USP31: variants seen among roughly 807,000 people sequenced by gnomAD.
USP31 encodes ubiquitin specific peptidase 31, also known as ubiquitin carboxyl-terminal hydrolase 31.
Under a neutral mutation model 119.4 loss-of-function variants are expected in USP31, and 44 were observed. The observed-to-expected ratio is 0.37, with a 90% CI of 0.29 to 0.47. The LOEUF (loss-of-function observed/expected upper bound fraction) is 0.47, where lower values mean the gene tolerates loss of function less well. Among genes scored for constraint, USP31 ranks in the 20% least tolerant of loss-of-function variants. The probability of loss-of-function intolerance (pLI) is 0.99; values close to 1 mark genes in which losing one functional copy is unlikely to be tolerated. For missense variants in USP31, 1,643 were observed against 1,730.2 expected (o/e 0.95, Z 0.89); for synonymous variants, 749 against 705.6 (o/e 1.06, Z -0.97).
chr16:23,107,188 T>C (rs1327559153), intron 2 of USP31, among the ~76,000 whole-genome samples: 1 of 152,138 alleles, frequency 6.6e-6, no homozygotes, highest in African/African-American at 2.4e-5. Context: ...TGTATGTTGG[T>C]GCCTAATCAC....
chr16:23,134,810 C>T (rs142644621), intron 1 of USP31, among the ~76,000 whole-genome samples: 1 of 151,066 alleles, frequency 6.6e-6, no homozygotes, highest in East Asian at 1.9e-4. Context: ...CTGTAATATA[C>T]AAAAGTACCA....
chr16:23,143,322 T>C (rs1287242666), intron 1 of USP31, among the ~76,000 whole-genome samples: 1 of 152,200 alleles, frequency 6.6e-6, no homozygotes, highest in Non-Finnish European at 1.5e-5. Context: ...CATCCATCTT[T>C]TTACTTGCTG....
At chr16:23,119,347 C>T (rs979465136) in intron 1 of USP31, among the ~76,000 whole-genome samples, 4 of 152,170 alleles carry the variant, frequency 2.6e-5, no homozygotes, top group African/African-American at 7.2e-5. Flanking sequence ...AGCCGCCTGC[C>T]TCAGCCTCCC....
Position 23,149,070 on chromosome 16 carries a change from G to A in USP31, c.201C>T (p.Arg67=). Residue 67 remains arginine (R), a synonymous_variant, in exon 1 of 16, where the codon CGC becomes CGT. Coordinates refer to ENST00000219689, the MANE Select transcript of USP31 (RefSeq NM_020718.4). ...SARSVGSFMS[R]VLKTLSTLSH... ...AGAGCGTGGACAGCGTCTTGAGAACGCGGCTCATGAAGCTGCCCACCGAGC... is the reference window on the plus strand; with the variant it reads ...AGAGCGTGGACAGCGTCTTGAGAACACGGCTCATGAAGCTGCCCACCGAGC... The A allele has an allele frequency of 7.9e-7, 1 of 1,268,004 alleles. No homozygotes were observed. The highest frequency in any genetic ancestry group is 1.0e-6 in the Non-Finnish European group (1 of 982,486). The allele number at this position is 1,268,004 out of a possible 1,614,324, so 78.5% of individuals were successfully genotyped here.
Position 23,065,437 on chromosome 16 carries a change from G to T in USP31, c.*2609C>A, listed in dbSNP as rs1900027263. The T allele has an allele frequency of 6.6e-6, 1 of 152,440 alleles. No homozygotes were observed. The highest frequency in any genetic ancestry group is 2.1e-4 in the South Asian group (1 of 4,828). The allele number at this position is 152,440 out of a possible 1,614,324, so 9.4% of individuals were successfully genotyped here. Reference sequence around the variant, plus strand: ...TCCCACAAGATACTTCCCACCTCAAGGAGCACCTCCAAACTTTCGGGCCAA... The same window carrying T: ...TCCCACAAGATACTTCCCACCTCAATGAGCACCTCCAAACTTTCGGGCCAA... On this transcript the variant is annotated 3_prime_UTR_variant, in exon 16 of 16. Transcript: ENST00000219689.
At chr16:23,137,481 T>G (rs1486086472) in intron 1 of USP31, among the ~76,000 whole-genome samples, 3 of 152,030 alleles carry the variant, frequency 2.0e-5, no homozygotes, top group African/African-American at 4.8e-5. Flanking sequence ...ACAAGAACAT[T>G]TGTAATACTG....
intron 6 of USP31, among the ~76,000 whole-genome samples, chr16:23,094,311 C>T (rs1011872370): frequency 1.3e-5 from 2 of 152,214 alleles, no homozygotes; most frequent in Non-Finnish European, 2.9e-5. Flanking sequence ...TCCACCATTG[C>T]TGAGGCTTGA....
At position 23,148,633 on chromosome 16, in the gene USP31, C is replaced by T; in HGVS notation, c.633+5G>A. ...CAGTGGGGGCGCGGCGGCGCGCGGG[C>T]TCACCTTGAAGTCGCGGCTGTGCTG... On this transcript the variant is annotated splice_donor_5th_base_variant and intron_variant, in intron 1 of 15. Transcript: ENST00000219689. The T allele has an allele frequency of 6.8e-7, 1 of 1,467,076 alleles. No individual in the cohort carries two copies. The allele number at this position is 1,467,076 out of a possible 1,614,324, so 90.9% of individuals were successfully genotyped here.
At chr16:23,087,688 CCCAT>C in intron 8 of USP31, 32 bp downstream of exon 8, 1 of 1,561,520 alleles carries the variant, frequency 6.4e-7, no homozygotes, top group Non-Finnish European at 8.8e-7. Flanking sequence ...TGAGTATATA[CCCAT>C]GCTATGCTGG....
rs1903628561 is a variant in USP31 at position 23,149,031 on chromosome 16, A to G, written c.240T>C (p.Ser80=). ...KTLSTLSHLS[S]EGAAPDRGGL... Reference sequence around the variant, plus strand: ...CGCCGCGGTCTGGGGCGGCGCCCTCAGAGCTAAGGTGCGAGAGCGTGGACA... The same window carrying G: ...CGCCGCGGTCTGGGGCGGCGCCCTCGGAGCTAAGGTGCGAGAGCGTGGACA... The change falls in exon 1 of 16, where the codon TCT becomes TCC. Residue 80 remains serine, a synonymous_variant. Coordinates refer to ENST00000219689, the MANE Select transcript of USP31 (RefSeq NM_020718.4). 8.4e-7 allele frequency: 1 copy of G among 1,192,876 alleles called. No homozygotes were observed. The highest frequency in any genetic ancestry group is 1.1e-6 in the Non-Finnish European group (1 of 940,610). 73.9% of individuals were successfully genotyped at this position (1,192,876 alleles called of 1,614,324 possible). A position where few individuals can be genotyped will look rare whatever the true frequency, so the allele number is the denominator to read the frequency against.
At position 23,068,114 on chromosome 16, in the gene USP31, C is replaced by G; in HGVS notation, c.3991G>C (p.Glu1331Gln). The change falls in exon 16 of 16, where the codon GAG (glutamate) becomes CAG (glutamine). Residue 1331 changes from glutamate (E) to glutamine (Q), a missense_variant. Glu to Gln is a conservative substitution (Grantham distance 29). Around this residue, in one of 5 missense-constraint regions of USP31, gnomAD observed 699 missense variants for 650.9 expected, o/e 1.07. Coordinates refer to ENST00000219689, the MANE Select transcript of USP31 (RefSeq NM_020718.4). Reference protein sequence around the residue: ...PSSPGGRQSAEKSSKKLSSSM... With the variant: ...PSSPGGRQSAQKSSKKLSSSM... The stretch of plus-strand genomic sequence containing the variant: ...GAAGATAACTTTTTTGAGGATTTCT[C>G]TGCAGACTGCCTGCCACCCGGAGAC... 1 of 1,614,228 alleles carries G rather than the reference C, an allele frequency of 6.2e-7. No individual in the cohort carries two copies. Among genetic ancestry groups the G allele is most frequent in the East Asian group, 2.2e-5 (1 of 44,886 alleles).
At chr16:23,101,745 G>T (rs1040511631) in intron 6 of USP31, among the ~76,000 whole-genome samples, 4 of 151,994 alleles carry the variant, frequency 2.6e-5, no homozygotes, top group Non-Finnish European at 5.9e-5. Context: ...GAGTTGCTTG[G>T]TAACTCTTAA....
rs1387997100 is a variant in USP31 at position 23,061,689 on chromosome 16, A to G, written c.*6357T>C. On this transcript the variant is annotated 3_prime_UTR_variant, in exon 16 of 16. Coordinates refer to ENST00000219689, the MANE Select transcript of USP31 (RefSeq NM_020718.4). The stretch of plus-strand genomic sequence containing the variant: ...CTAGGAAAGACATCCTGCCTTCCAT[A>G]TTACTGTACAACTGAAAATGAAAAC... 1 of 152,576 alleles carries G rather than the reference A, an allele frequency of 6.6e-6. No homozygotes were observed. The highest frequency in any genetic ancestry group is 2.4e-5 in the African/African-American group (1 of 41,456). The allele number at this position is 152,576 out of a possible 1,614,324, so 9.5% of individuals were successfully genotyped here.
In USP31 at chr16:23,141,554, T is replaced by G. The variant is rs370968191; in HGVS notation, c.633+7084A>C. On this transcript the variant is annotated intron_variant, in intron 1 of 15. Coordinates refer to ENST00000219689, the MANE Select transcript of USP31 (RefSeq NM_020718.4). ...CACCACGCCCGGCTAATTTTTGTAC[T>G]TTTTGGAGAGACAGGGTTTCGCCTG... Among the ~76,000 whole-genome samples the G allele has an allele frequency of 7.9e-5, 12 of 152,204 alleles. No individual in the cohort carries two copies. The East Asian group carries it at 2.1e-3, about 27-fold the overall frequency.
intron 1 of USP31, among the ~76,000 whole-genome samples, chr16:23,110,009 C>G (rs2141877996): frequency 6.6e-6 from 1 of 152,230 alleles, no homozygotes. Flanking sequence ...GCACAAGAGA[C>G]TAACTGGGGA....
chr16:23,114,629 G>A (rs923576378), intron 1 of USP31, among the ~76,000 whole-genome samples: 1 of 152,086 alleles, frequency 6.6e-6, no homozygotes, highest in Non-Finnish European at 1.5e-5. Context: ...TTCTGTCCAC[G>A]ATCACTTCAA....
chr16:23,095,876 C>A (rs1464742890), intron 6 of USP31, among the ~76,000 whole-genome samples: 4 of 152,208 alleles, frequency 2.6e-5, no homozygotes, highest in Non-Finnish European at 5.9e-5. Flanking sequence ...CAACCGGTAC[C>A]AGCCATTGCA....
At chr16:23,137,665 CAT>C (rs1434606804) in intron 1 of USP31, among the ~76,000 whole-genome samples, 1 of 150,584 alleles carries the variant, frequency 6.6e-6, no homozygotes, top group East Asian at 2.0e-4. Flanking sequence ...TAATATAACA[CAT>C]GAGAAATCAA....
intron 12 of USP31, among the ~76,000 whole-genome samples, 168 bp from the exon 13 acceptor site, chr16:23,080,339 A>G (rs1900762518): frequency 6.6e-6 from 1 of 152,144 alleles, no homozygotes; most frequent in Non-Finnish European, 1.5e-5. Flanking sequence ...AGCTATCTAG[A>G]GGAACAGGTT....
Sources: allele counts gnomAD v4.1 joint callset (sites outside exome capture counted in the v4.1 genomes callset), GRCh38; gene constraint gnomAD v4.1.1; regional missense constraint gnomAD v4.1.1; transcripts MANE v1.5; gene names NCBI Gene and HGNC (gene_info 2026-07-23, HGNC 2026-07-21).